PSPC1: variants seen among roughly 807,000 people sequenced by gnomAD.
PSPC1 encodes paraspeckle protein 1.
PSPC1 carries 14 observed loss-of-function variants against 51.6 expected under a neutral mutation model. The observed-to-expected ratio is 0.27, with a 90% CI of 0.18 to 0.42. The LOEUF (loss-of-function observed/expected upper bound fraction) is 0.42, where lower values mean the gene tolerates loss of function less well. Among genes scored for constraint, PSPC1 ranks in the 10% least tolerant of loss-of-function variants. The probability of loss-of-function intolerance (pLI) is 1.00; values close to 1 mark genes in which losing one functional copy is unlikely to be tolerated. For missense variants in PSPC1, 406 were observed against 701.1 expected, an observed-to-expected ratio of 0.58 and a Z score of 4.75; for synonymous variants, 193 against 231.9, an observed-to-expected ratio of 0.83 and a Z score of 1.53.
chr13:19,730,465 T>A, intron 5 of PSPC1, 121 bp from the exon 6 acceptor site: 3 of 817,232 alleles, frequency 3.7e-6, no homozygotes, highest in Non-Finnish European at 6.0e-6. Context: ...TAATCACGAC[T>A]GACCACGGCA....
chr13:19,758,724 A>C (rs888062076), intron 3 of PSPC1, among the ~76,000 whole-genome samples: 1 of 151,790 alleles, frequency 6.6e-6, no homozygotes, highest in Non-Finnish European at 1.5e-5. Context: ...AATCCCAGCT[A>C]CTCGGGAGGC....
At position 19,782,391 on chromosome 13, in the gene PSPC1, G is replaced by C. The variant is rs1187043309; in HGVS notation, c.367C>G (p.Arg123Gly). 6.3e-7 allele frequency: 1 copy of C among 1,584,500 alleles called. No individual in the cohort carries two copies. Residue 123 changes from arginine (R) to glycine (G), a missense_variant, in exon 1 of 9, where the codon CGC (arginine) becomes GGC (glycine). Coordinates refer to ENST00000338910, the MANE Select transcript of PSPC1 (RefSeq NM_001354909.2). This position sits in a 1 kb window ranked among gnomAD's most constrained non-coding sequence, Gnocchi z 4.5. ...CGCGGGCGCCTGACACTCACCAAGCGGATGAAGCCGAAGCCACGGTCCCGG... is the reference window on the plus strand; with the variant it reads ...CGCGGGCGCCTGACACTCACCAAGCCGATGAAGCCGAAGCCACGGTCCCGG... ...INRDRGFGFI[R>G]LESRTLAEIA... is the part of the protein sequence containing the mutation.
At chr13:19,780,792 C>T (rs1889872049) in intron 1 of PSPC1, among the ~76,000 whole-genome samples, 1 of 151,252 alleles carries the variant, frequency 6.6e-6, no homozygotes, top group South Asian at 2.1e-4. Flanking sequence ...GTGAGAAACA[C>T]CCAAGAATTA....
downstream of PSPC1, among the ~76,000 whole-genome samples, chr13:19,674,411 A>G (rs1876395636): frequency 1.3e-5 from 2 of 151,000 alleles, no homozygotes; most frequent in Non-Finnish European, 2.9e-5. Flanking sequence ...AATCTTACTC[A>G]GTAGAATGAT....
intron 7 of PSPC1, among the ~76,000 whole-genome samples, chr13:19,707,159 G>T (rs1880789966): frequency 6.6e-6 from 1 of 151,960 alleles, no homozygotes; most frequent in South Asian, 2.1e-4. Flanking sequence ...TTACAATGGT[G>T]GGTTCGGAAG....
chr13:19,724,711 G>A (rs573527762), intron 6 of PSPC1, among the ~76,000 whole-genome samples: 5 of 152,152 alleles, frequency 3.3e-5, no homozygotes, highest in Admixed American at 2.0e-4. Context: ...AAACTTTGCC[G>A]AGCGTGGGCC....
chr13:19,725,230 CTT>C (rs1883239192), intron 6 of PSPC1, among the ~76,000 whole-genome samples: 1 of 152,076 alleles, frequency 6.6e-6, no homozygotes, highest in Non-Finnish European at 1.5e-5. Flanking sequence ...TGCAGTGACT[CTT>C]TACCATTTCT....
chr13:19,703,916 GGAAAATAGTTTTA>G (rs1880284904), intron 8 of PSPC1, among the ~76,000 whole-genome samples: 1 of 152,032 alleles, frequency 6.6e-6, no homozygotes, highest in South Asian at 2.1e-4. Flanking sequence ...GATTATCATG[GGAAAATAGTTTTA>G]AAAATTAATG....
rs145043787 is a variant in PSPC1 at position 19,726,700 on chromosome 13, G to A, written c.1158+3539C>T. On this transcript the variant is annotated intron_variant, in intron 6 of 8. Transcript: ENST00000338910. ...AAAGAGGACTGCTTGAGCCCAGCCT[G>A]GGCAACATATCAAGACCCCATCTCT... 2.2e-3 allele frequency among the ~76,000 whole-genome samples: 333 copies of A among 152,232 alleles called. 3 individuals carry two copies. The highest frequency in any genetic ancestry group is 7.3e-3 in the African/African-American group (305 of 41,544).
chr13:19,766,868 G>GAA (rs545132287), intron 2 of PSPC1, among the ~76,000 whole-genome samples: 2 of 139,774 alleles, frequency 1.4e-5, no homozygotes, highest in Admixed American at 7.2e-5. Flanking sequence ...GAAAAAAAAA[G>GAA]AAAAAAAAAA....
intron 6 of PSPC1, among the ~76,000 whole-genome samples, chr13:19,683,348 T>A (rs1239040548): frequency 3.3e-5 from 5 of 152,210 alleles, no homozygotes; most frequent in African/African-American, 1.2e-4. Flanking sequence ...AACCACGTAC[T>A]GATAAATGCA....
At chr13:19,753,097 A>G (rs976965742) in intron 3 of PSPC1, among the ~76,000 whole-genome samples, 2 of 151,780 alleles carry the variant, frequency 1.3e-5, no homozygotes, top group African/African-American at 2.4e-5. Flanking sequence ...CCTGGCCAAC[A>G]TGGCGAAACC....
chr13:19,721,619 G>A (rs1286222544), intron 6 of PSPC1, among the ~76,000 whole-genome samples: 1 of 152,122 alleles, frequency 6.6e-6, no homozygotes, highest in African/African-American at 2.4e-5. Flanking sequence ...CGTTTGAGCT[G>A]TTTCTTTTAA....
At chr13:19,772,989 C>T (rs1010688590) in intron 1 of PSPC1, among the ~76,000 whole-genome samples, 63 of 151,894 alleles carry the variant, frequency 4.1e-4, no homozygotes, top group African/African-American at 1.3e-3. Flanking sequence ...GGGTGAAATC[C>T]CACCTCTACT....
intron 6 of PSPC1, among the ~76,000 whole-genome samples, chr13:19,714,244 ACT>A (rs1881808853): frequency 6.6e-6 from 1 of 152,202 alleles, no homozygotes; most frequent in Non-Finnish European, 1.5e-5. Flanking sequence ...TGAATGAAAT[ACT>A]TTTTTCACAG....
chr13:19,710,731 C>G (rs574055329), intron 6 of PSPC1, among the ~76,000 whole-genome samples: 1 of 152,214 alleles, frequency 6.6e-6, no homozygotes, highest in South Asian at 2.1e-4. Flanking sequence ...CCTAATGAAG[C>G]TACGGTACAA....
At position 19,782,582 on chromosome 13, in the gene PSPC1, T is replaced by C. The variant is rs1451442037; in HGVS notation, c.176A>G (p.Glu59Gly). Reference sequence around the variant, plus strand: ...GATGTCGATAGTGAACCCCATCTCCTCGTCCGGGTGGTCCTCTGGAGGCGC... The same window carrying C: ...GATGTCGATAGTGAACCCCATCTCCCCGTCCGGGTGGTCCTCTGGAGGCGC... Reference protein sequence around the residue: ...APAPPEDHPDEEMGFTIDIKS... With the variant: ...APAPPEDHPDGEMGFTIDIKS... The change falls in exon 1 of 9, where the codon GAG becomes GGG. Residue 59 changes from glutamate to glycine, a missense_variant. Physicochemically the swap from Glu to Gly is moderately conservative, Grantham distance 98 (BLOSUM62 -2). Around this residue, in one of 5 missense-constraint regions of PSPC1, gnomAD observed 128 missense variants for 107.1 expected, o/e 1.20. Transcript: ENST00000338910. The surrounding 1 kb of genome is among the most constrained non-coding windows in gnomAD (Gnocchi z 4.5). The C allele has an allele frequency of 6.2e-7, 1 of 1,600,694 alleles. No individual in the cohort carries two copies. The highest frequency in any genetic ancestry group is 8.5e-7 in the Non-Finnish European group (1 of 1,174,590).
At position 19,728,439 on chromosome 13, in the gene PSPC1, AACACACACAC is replaced by A. The variant is rs56662113; in HGVS notation, c.1158+1790_1158+1799del. On this transcript the variant is annotated intron_variant, in intron 6 of 8. Transcript: ENST00000338910. ...TAAGAGGGCCTAATTTCAAAGCTTA[AACACACACAC>A]ACACACACACACACACACACACACA... Among the ~76,000 whole-genome samples, 431 of 144,438 alleles carry A rather than the reference AACACACACAC, an allele frequency of 3.0e-3. 1 individual carries two copies. The highest frequency in any genetic ancestry group is 0.01 in the African/African-American group (371 of 36,886). 94.8% of individuals were successfully genotyped at this position (144,438 alleles called of 152,430 possible). A position where few individuals can be genotyped will look rare whatever the true frequency, so the allele number is the denominator to read the frequency against.
At chr13:19,671,207 A>T, downstream of PSPC1, 1 of 1,613,698 alleles carries the variant, frequency 6.2e-7, no homozygotes, top group Admixed American at 1.7e-5. Context: ...CCATTGTAGG[A>T]CAGTCATTTT....
Sources: gnomAD v4.1 joint callset for allele counts (sites outside exome capture counted in the v4.1 genomes callset) on GRCh38, gnomAD v4.1.1 for gene constraint, gnomAD v4.1.1 regional missense constraint, Gnocchi (gnomAD v3.1) non-coding constraint, MANE v1.5 for transcripts, NCBI Gene and HGNC (gene_info 2026-07-23, HGNC 2026-07-21) for gene names.